Variants in TRHDE observed in about 807,000 individuals in gnomAD.
TRHDE encodes thyrotropin releasing hormone degrading enzyme.
Under a neutral mutation model 125.7 loss-of-function variants are expected in TRHDE, and 72 were observed. The observed-to-expected ratio is 0.57, with a 90% confidence interval of 0.47 to 0.70. The LOEUF (loss-of-function observed/expected upper bound fraction) is 0.70. Among genes scored for constraint, TRHDE ranks in the 30% least tolerant of loss-of-function variants. TRHDE has a pLI of 0.00. For missense variants in TRHDE, 1,110 were observed against 1,327.1 expected (o/e 0.84, Z 2.54); for synonymous variants, 509 against 509.1 (o/e 1.00, Z 0.00).
chr12:72,318,951 A>G (rs1868944474), intron 2 of TRHDE, among the ~76,000 whole-genome samples: 1 of 152,080 alleles, frequency 6.6e-6, no homozygotes, highest in Admixed American at 6.6e-5. Flanking sequence ...AAACAAGAGG[A>G]GATTCTCTCC....
At chr12:72,364,727 T>C (rs1009632657) in intron 2 of TRHDE, among the ~76,000 whole-genome samples, 1 of 152,016 alleles carries the variant, frequency 6.6e-6, no homozygotes, top group Non-Finnish European at 1.5e-5. Flanking sequence ...GAAGATGGCA[T>C]TCGTCAAAGT....
intron 3 of TRHDE, among the ~76,000 whole-genome samples, chr12:72,458,504 C>G (rs1875974071): frequency 6.6e-6 from 1 of 152,106 alleles, no homozygotes; most frequent in South Asian, 2.1e-4. Context: ...CTCTTCTCTA[C>G]TCAGCATTGG....
chr12:72,441,610 C>G (rs569240905), intron 3 of TRHDE, among the ~76,000 whole-genome samples: 3 of 151,912 alleles, frequency 2.0e-5, no homozygotes, highest in Non-Finnish European at 4.4e-5. Flanking sequence ...CTGTTACAGG[C>G]AGAATCATAA....
At chr12:72,628,453 A>G (rs1273531304) in intron 15 of TRHDE, among the ~76,000 whole-genome samples, 1 of 151,920 alleles carries the variant, frequency 6.6e-6, no homozygotes, top group East Asian at 1.9e-4. Flanking sequence ...ATACTTTCAA[A>G]AAGTTTAGCT....
intron 2 of TRHDE, among the ~76,000 whole-genome samples, chr12:72,245,285 A>G (rs1010990170): frequency 4.7e-5 from 7 of 149,444 alleles, no homozygotes; most frequent in African/African-American, 1.3e-4. Context: ...GGAGAGGTCT[A>G]TCTCTCCATC....
intron 2 of TRHDE, among the ~76,000 whole-genome samples, chr12:72,317,500 C>T (rs1486201564): frequency 2.6e-5 from 4 of 152,120 alleles, no homozygotes; most frequent in Admixed American, 1.3e-4. Context: ...AAGGCTCACT[C>T]TCTGCTTCCA....
At chr12:72,142,251 TTCTC>T (rs934272281) in intron 2 of TRHDE, among the ~76,000 whole-genome samples, 1 of 152,040 alleles carries the variant, frequency 6.6e-6, no homozygotes, top group African/African-American at 2.4e-5. Flanking sequence ...AAAGGCTCTT[TTCTC>T]TCTCTTTGAC....
chr12:72,648,351 C>A (rs1163333579), intron 15 of TRHDE, among the ~76,000 whole-genome samples: 1 of 151,996 alleles, frequency 6.6e-6, no homozygotes, highest in Non-Finnish European at 1.5e-5. Flanking sequence ...AATCAGAATA[C>A]CTCCTTTAAC....
intron 6 of TRHDE, among the ~76,000 whole-genome samples, chr12:72,535,981 A>C (rs1164220104): frequency 6.6e-6 from 1 of 152,162 alleles, no homozygotes; most frequent in African/African-American, 2.4e-5. Context: ...GAATGGAAGC[A>C]AGTAACTTGG....
intron 2 of TRHDE, among the ~76,000 whole-genome samples, chr12:72,108,584 A>G (rs2139293564): frequency 6.6e-6 from 1 of 152,208 alleles, no homozygotes; most frequent in South Asian, 2.1e-4. Context: ...GCATTAATGG[A>G]GGGCAATTAT....
rs571747044 is a variant in TRHDE, at chr12:72,345,021, C to A, written c.1189-32974C>A. Among the ~76,000 whole-genome samples, 8 of 152,152 alleles carry A rather than the reference C, an allele frequency of 5.3e-5. No individual in the cohort carries two copies. In the South Asian group the frequency reaches 1.7e-3, roughly 32 times the overall value. ...ATTCCTACGTGGTTGACATATGGCA[C>A]AGTGGTTGATATGTTTATTTATGTT... is the stretch of plus-strand genomic sequence containing the variant. On this transcript the variant is annotated intron_variant, in intron 2 of 18. Coordinates refer to ENST00000261180, the MANE Select transcript of TRHDE (RefSeq NM_013381.3).
intron 2 of TRHDE, among the ~76,000 whole-genome samples, chr12:72,139,701 T>G (rs769824703): frequency 6.6e-6 from 1 of 152,190 alleles, no homozygotes; most frequent in Non-Finnish European, 1.5e-5. Flanking sequence ...TCTAAAGTAT[T>G]GCTGGATCAG....
chr12:72,597,758 T>TATATATATACAC (rs1565804834), intron 12 of TRHDE, among the ~76,000 whole-genome samples: 1 of 20,300 alleles, frequency 4.9e-5, no homozygotes, highest in African/African-American at 2.0e-4. Flanking sequence ...TATATATATA[T>TATATATATACAC]GCATACACAC....
chr12:72,550,998 T>G (rs1222940265), intron 7 of TRHDE, among the ~76,000 whole-genome samples: 1 of 152,036 alleles, frequency 6.6e-6, no homozygotes, highest in Middle Eastern at 3.2e-3. Context: ...TTTCATTTAT[T>G]CTTTTATAAC....
chr12:72,330,272 T>G lies in TRHDE; in HGVS notation c.1188+43318T>G, dbSNP rs544699697. Among the ~76,000 whole-genome samples the G allele has an allele frequency of 2.9e-4, 42 of 146,648 alleles. 1 individual carries two copies. In the South Asian group the frequency reaches 8.3e-3, roughly 29 times the overall value. On this transcript the variant is annotated intron_variant, in intron 2 of 18. Coordinates refer to ENST00000261180, the MANE Select transcript of TRHDE (RefSeq NM_013381.3). ...CTGCTGTTAAGGAAACAAAAGCAAC[T>G]CTCCCCACCTCCCTACCCCCCACCT...
rs147906951 is a variant in TRHDE, at chr12:72,632,941, T to TCA, written c.2675+11191_2675+11192dup. On this transcript the variant is annotated intron_variant, in intron 15 of 18. Transcript: ENST00000261180. ...TTCTTTTTAATGTTATCTGGGCCAC[T>TCA]CAGTTTCTTATGTTTTTGTGCTTTG... Among the ~76,000 whole-genome samples the TCA allele has an allele frequency of 7.2e-4, 109 of 152,082 alleles. 2 individuals carry two copies. The East Asian group carries it at 0.014, about 19-fold the overall frequency.
In TRHDE at chr12:72,388,023, C is replaced by T. The variant is rs73342682; in HGVS notation, c.1315+9902C>T. ...CAAGACCCTGCATGCTTGCCCCTAC[C>T]CTTTACCCCCCCGGACCCTCTAATC... On this transcript the variant is annotated intron_variant, in intron 3 of 18. Transcript: ENST00000261180. 2.6e-3 allele frequency among the ~76,000 whole-genome samples: 403 copies of T among 152,128 alleles called. 2 individuals carry two copies. The highest frequency in any genetic ancestry group is 9.4e-3 in the African/African-American group (392 of 41,490).
chr12:72,630,326 CAG>C (rs1030801914), intron 15 of TRHDE, among the ~76,000 whole-genome samples: 2 of 151,596 alleles, frequency 1.3e-5, no homozygotes, highest in African/African-American at 4.8e-5. Flanking sequence ...GAAAAGTAGT[CAG>C]AGAGAGATAC....
chr12:72,170,087 G>A (rs754476860), intron 2 of TRHDE, among the ~76,000 whole-genome samples: 7 of 152,180 alleles, frequency 4.6e-5, no homozygotes, highest in East Asian at 1.9e-4. Flanking sequence ...AGAACGTATC[G>A]TCTTGGTAGA....
Sources: allele counts gnomAD v4.1 joint callset (sites outside exome capture counted in the v4.1 genomes callset), GRCh38; gene constraint gnomAD v4.1.1; transcripts MANE v1.5; gene names NCBI Gene and HGNC (gene_info 2026-07-23, HGNC 2026-07-21).